Variants in RBM33 observed in about 807,000 individuals in gnomAD.
RBM33 encodes RNA binding motif protein 33.
RBM33 carries 28 observed loss-of-function variants against 132.6 expected under a neutral mutation model. The ratio of observed to expected loss-of-function variants is 0.21; its 90% CI spans 0.16 to 0.29. The LOEUF is 0.29. Ranked by LOEUF, RBM33 falls within the 10% of genes least tolerant of loss-of-function variation. The pLI, the probability that RBM33 is intolerant of heterozygous loss-of-function variation, is 1.00. For synonymous variants in RBM33, 634 were observed against 593.0 expected (o/e 1.07, Z -1.01); for missense variants, 1,291 against 1,518.5 (o/e 0.85, Z 2.49).
chr7:155,719,872 T>C (rs562948618), intron 9 of RBM33, among the ~76,000 whole-genome samples: 13 of 152,330 alleles, frequency 8.5e-5, no homozygotes, highest in African/African-American at 3.1e-4. Context: ...CCTAAAGCAA[T>C]GTAATTTATA....
intron 9 of RBM33, among the ~76,000 whole-genome samples, chr7:155,724,982 G>T (rs995381070): frequency 1.4e-5 from 2 of 141,654 alleles, no homozygotes; most frequent in Admixed American, 7.1e-5. Context: ...AAACATTTGT[G>T]TACAGGTTTG....
chr7:155,660,561 A>G (rs747876864), intron 1 of RBM33, among the ~76,000 whole-genome samples: 4 of 152,200 alleles, frequency 2.6e-5, no homozygotes, highest in African/African-American at 9.7e-5. Context: ...AGCACTTTGA[A>G]TAGGTCATCT....
At chr7:155,760,535 C>G (rs1802000122) in intron 14 of RBM33, among the ~76,000 whole-genome samples, 1 of 152,256 alleles carries the variant, frequency 6.6e-6, no homozygotes, top group South Asian at 2.1e-4. Flanking sequence ...TTTTCAGTGG[C>G]AGTACAGCTG....
At chr7:155,760,118 C>T (rs1801987218) in intron 14 of RBM33, among the ~76,000 whole-genome samples, 1 of 152,216 alleles carries the variant, frequency 6.6e-6, no homozygotes, top group Non-Finnish European at 1.5e-5. Context: ...ATTTACTGAT[C>T]TATTCACTAA....
chr7:155,672,969 A>T, intron 3 of RBM33, 54 bp downstream of exon 3: 1 of 1,257,082 alleles, frequency 8.0e-7, no homozygotes, highest in Middle Eastern at 2.1e-4. Context: ...ATTATACTTA[A>T]CATACAGCAG....
chr7:155,669,414 G>A (rs974393263), intron 2 of RBM33, among the ~76,000 whole-genome samples: 1 of 152,150 alleles, frequency 6.6e-6, no homozygotes, highest in Non-Finnish European at 1.5e-5. Context: ...GTGCAGTGGT[G>A]CGATATCAGC....
In RBM33 at chr7:155,706,856, A is replaced by G. The variant is rs755324740; in HGVS notation, c.740-4A>G. ...AACTAACACATACACATTTTTTCAC[A>G]TAGAGCTTTCAGCAGAGGCCAAGGC... On this transcript the variant is annotated splice_polypyrimidine_tract_variant and splice_region_variant and intron_variant, in intron 6 of 17. Coordinates refer to ENST00000401878, the MANE Select transcript of RBM33 (RefSeq NM_053043.3). 6.3e-6 allele frequency: 10 copies of G among 1,593,360 alleles called. No individual in the cohort carries two copies. The highest frequency in any genetic ancestry group is 4.5e-5 in the East Asian group (2 of 44,294).
intron 3 of RBM33, among the ~76,000 whole-genome samples, chr7:155,673,658 A>G (rs1441434618): frequency 8.1e-6 from 1 of 123,564 alleles, no homozygotes; most frequent in Non-Finnish European, 1.7e-5. Context: ...GTATATATAC[A>G]CACATATACA....
Position 155,739,827 on chromosome 7 carries a change from CCCAGCA to C in RBM33, c.1856_1861del (p.His619_Gln620del), listed in dbSNP as rs1444178553. On this transcript the variant is annotated inframe_deletion, in exon 12 of 18. Coordinates refer to ENST00000401878, the MANE Select transcript of RBM33 (RefSeq NM_053043.3). ...CACCAGCCCCCGCACCAGCCCCCGC[CCCAGCA>C]CCAGCCCCCACCCCAGCACCCACCA... The C allele has an allele frequency of 2.3e-6, 3 of 1,310,370 alleles. No homozygotes were observed. The highest frequency in any genetic ancestry group is 4.1e-5 in the Admixed American group (2 of 49,260). The allele number at this position is 1,310,370 out of a possible 1,614,324, so 81.2% of individuals were successfully genotyped here. A position where few individuals can be genotyped will look rare whatever the true frequency, so the allele number is the denominator to read the frequency against.
At chr7:155,720,989 T>C (rs1474981282) in intron 9 of RBM33, among the ~76,000 whole-genome samples, 3 of 152,222 alleles carry the variant, frequency 2.0e-5, no homozygotes, top group Non-Finnish European at 4.4e-5. Flanking sequence ...AAAATAGATT[T>C]GAATTCAGAA....
At chr7:155,701,159 A>T (rs1406917147) in intron 6 of RBM33, 1 of 579,026 alleles carries the variant, frequency 1.7e-6, no homozygotes, top group East Asian at 2.8e-5. Context: ...TGCTTGAATA[A>T]AATGTTTAAG....
At chr7:155,693,439 T>C (rs1799704314) in intron 5 of RBM33, among the ~76,000 whole-genome samples, 1 of 152,094 alleles carries the variant, frequency 6.6e-6, no homozygotes, top group African/African-American at 2.4e-5. Flanking sequence ...CCATATTAAG[T>C]ATTTTGTCTT....
At chr7:155,763,575 A>G (rs1563181423) in intron 14 of RBM33, among the ~76,000 whole-genome samples, 3 of 152,368 alleles carry the variant, frequency 2.0e-5, no homozygotes, top group Admixed American at 6.5e-5. Flanking sequence ...TTATATGAAT[A>G]TAGTAATTAA....
chr7:155,653,272 A>ATGAC lies in RBM33; in HGVS notation c.43+8355_43+8358dup, dbSNP rs577666014. 7.2e-5 allele frequency among the ~76,000 whole-genome samples: 11 copies of ATGAC among 152,296 alleles called. No homozygotes were observed. In the East Asian group the frequency reaches 2.1e-3, roughly 29 times the overall value. ...ATTTAGGGGCCAGTCTTAATCCAGA[A>ATGAC]TGACTTCATTTTAACTAATTACATC... On this transcript the variant is annotated intron_variant, in intron 1 of 17. Transcript: ENST00000401878.
intron 6 of RBM33, among the ~76,000 whole-genome samples, chr7:155,705,458 G>A (rs567466761): frequency 5.9e-4 from 90 of 152,182 alleles, no homozygotes; most frequent in African/African-American, 2.0e-3. Flanking sequence ...TTTCAAATGG[G>A]GTCTAGTTTT....
Position 155,763,879 on chromosome 7 carries a change from T to C in RBM33, c.3047T>C (p.Val1016Ala), listed in dbSNP as rs762214919. Reference sequence around the variant, plus strand: ...CAGCGGCTTCCCCAGCCTCCGGAAGTGGGACCACAGCCTGCCCGCAAGGTG... The same window carrying C: ...CAGCGGCTTCCCCAGCCTCCGGAAGCGGGACCACAGCCTGCCCGCAAGGTG... ...QPQRLPQPPE[V>A]GPQPARKVTL... is the part of the protein sequence containing the mutation. The change falls in exon 15 of 18, where the codon GTG (valine) becomes GCG (alanine). Residue 1016 changes from valine (V) to alanine (A), a missense_variant. Coordinates refer to ENST00000401878, the MANE Select transcript of RBM33 (RefSeq NM_053043.3). 5.0e-6 allele frequency: 8 copies of C among 1,611,592 alleles called. No homozygotes were observed. In the Middle Eastern group the frequency reaches 6.6e-4, roughly 133 times the overall value.
chr7:155,755,123 T>G (rs1299351152), intron 14 of RBM33, among the ~76,000 whole-genome samples: 1 of 152,200 alleles, frequency 6.6e-6, no homozygotes, highest in East Asian at 1.9e-4. Context: ...ACATTTTGAG[T>G]GAGCTTTATA....
intron 14 of RBM33, among the ~76,000 whole-genome samples, chr7:155,757,643 T>C (rs1801895621): frequency 6.6e-6 from 1 of 152,182 alleles, no homozygotes. Context: ...AGGATACTAC[T>C]ACTTACCTCT....
chr7:155,712,089 A>G (rs1045563762), intron 8 of RBM33, among the ~76,000 whole-genome samples: 11 of 152,222 alleles, frequency 7.2e-5, no homozygotes, highest in African/African-American at 2.4e-4. Flanking sequence ...AGAATACACT[A>G]GAGACCGCTA....
Sources: allele counts gnomAD v4.1 joint callset (sites outside exome capture counted in the v4.1 genomes callset), GRCh38; gene constraint gnomAD v4.1.1; transcripts MANE v1.5; gene names NCBI Gene and HGNC (gene_info 2026-07-23, HGNC 2026-07-21).